ERLEC1: variants seen among roughly 807,000 people sequenced by gnomAD.
ERLEC1 encodes the protein ER lectin.
Under a neutral mutation model 68.0 loss-of-function variants are expected in ERLEC1, and 47 were observed. The observed-to-expected ratio is 0.69, with a 90% CI of 0.55 to 0.88. ERLEC1 has a LOEUF of 0.88. Ranked by LOEUF, ERLEC1 falls within the 40% of genes least tolerant of loss-of-function variation. The pLI, the probability that ERLEC1 is intolerant of heterozygous loss-of-function variation, is 0.00. For synonymous variants in ERLEC1, 225 were observed against 203.2 expected, an observed-to-expected ratio of 1.11 and a Z score of -0.91; for missense variants, 567 against 583.8, an observed-to-expected ratio of 0.97 and a Z score of 0.30.
chr2:53,792,717 T>G (rs1675476150), intron 1 of ERLEC1, among the ~76,000 whole-genome samples: 1 of 152,188 alleles, frequency 6.6e-6, no homozygotes, highest in African/African-American at 2.4e-5. Flanking sequence ...CTGGTTTTAT[T>G]ATAGTTAAAC....
chr2:53,791,906 TAAAAAAAAAAAAAA>T (rs569591198), intron 1 of ERLEC1, among the ~76,000 whole-genome samples: 4 of 117,762 alleles, frequency 3.4e-5, no homozygotes, highest in African/African-American at 1.3e-4. Flanking sequence ...AATGCTCTTT[TAAAAAAAAAAAAAA>T]AAAAAAAAAA....
chr2:53,805,849 G>C (rs1391475307), intron 8 of ERLEC1, among the ~76,000 whole-genome samples: 1 of 152,108 alleles, frequency 6.6e-6, no homozygotes, highest in Non-Finnish European at 1.5e-5. Context: ...TTTAACTGGG[G>C]TCAGATGATA....
chr2:53,797,357 T>C (rs1675768586), intron 3 of ERLEC1, among the ~76,000 whole-genome samples, 158 bp from the exon 4 acceptor site: 1 of 152,228 alleles, frequency 6.6e-6, no homozygotes, highest in South Asian at 2.1e-4. Context: ...TGAATAGACT[T>C]CAGAAATTTC....
intron 3 of ERLEC1, among the ~76,000 whole-genome samples, chr2:53,797,168 T>C (rs1020940543): frequency 1.3e-5 from 2 of 152,236 alleles, no homozygotes; most frequent in African/African-American, 4.8e-5. Flanking sequence ...GTGCTGGGAT[T>C]ACAGGCGTAA....
chr2:53,798,554 C>T (rs1675840473), intron 5 of ERLEC1, among the ~76,000 whole-genome samples: 1 of 151,786 alleles, frequency 6.6e-6, no homozygotes, highest in South Asian at 2.1e-4. Context: ...GGATGAGCCA[C>T]CATGCACAGC....
chr2:53,792,823 C>T (rs1675481916), intron 1 of ERLEC1, among the ~76,000 whole-genome samples: 1 of 152,058 alleles, frequency 6.6e-6, no homozygotes, highest in African/African-American at 2.4e-5. Context: ...TTGAGACCCA[C>T]CTGGGCAAGA....
At chr2:53,809,171 G>A (rs764791347) in intron 9 of ERLEC1, 43 bp from the exon 10 acceptor site, 4 of 1,411,516 alleles carry the variant, frequency 2.8e-6, no homozygotes, top group African/African-American at 2.9e-5. Context: ...ATTGAGAAAG[G>A]CCCAGTTCTT....
intron 8 of ERLEC1, among the ~76,000 whole-genome samples, chr2:53,806,748 A>G (rs1174139238): frequency 6.6e-6 from 1 of 152,228 alleles, no homozygotes; most frequent in Non-Finnish European, 1.5e-5. Context: ...AAAAGGGGAC[A>G]TAGTATCCAC....
At chr2:53,796,605 G>A (rs903147175) in intron 3 of ERLEC1, among the ~76,000 whole-genome samples, 1 of 151,716 alleles carries the variant, frequency 6.6e-6, no homozygotes, top group East Asian at 1.9e-4. Context: ...GCACCACCAT[G>A]CCCTGCTAAT....
chr2:53,793,996 T>G (rs1675551556), intron 1 of ERLEC1, among the ~76,000 whole-genome samples: 2 of 152,132 alleles, frequency 1.3e-5, no homozygotes, highest in South Asian at 4.2e-4. Context: ...GAATACACAC[T>G]CAAAGACGAG....
Position 53,814,631 on chromosome 2 carries a change from C to T in ERLEC1, c.1304+11C>T, listed in dbSNP as rs751661962. The T allele has an allele frequency of 1.9e-6, 3 of 1,594,522 alleles. No homozygotes were observed. Among genetic ancestry groups the T allele is most frequent in the Non-Finnish European group, 2.6e-6 (3 of 1,164,160 alleles). Reference sequence around the variant, plus strand: ...GACTGTAAAACTAAAGTAAGTTAGACCATCAAATCATGCTGTATGCCTTTG... The same window carrying T: ...GACTGTAAAACTAAAGTAAGTTAGATCATCAAATCATGCTGTATGCCTTTG... On this transcript the variant is annotated intron_variant, in intron 12 of 13. Coordinates refer to ENST00000185150, the MANE Select transcript of ERLEC1 (RefSeq NM_015701.5).
intron 13 of ERLEC1, among the ~76,000 whole-genome samples, chr2:53,817,500 T>G (rs541111867): frequency 6.6e-6 from 1 of 152,312 alleles, no homozygotes; most frequent in South Asian, 2.1e-4. Context: ...TTCATCATGT[T>G]TAGTATAATT....
chr2:53,798,767 A>C (rs530298660), intron 5 of ERLEC1, among the ~76,000 whole-genome samples: 1 of 152,040 alleles, frequency 6.6e-6, no homozygotes, highest in South Asian at 2.1e-4. Context: ...CAGTTAATTT[A>C]ATATTAAATT....
In ERLEC1 at chr2:53,814,915, T is replaced by G; in HGVS notation, c.1360T>G (p.Ser454Ala). 4 of 1,596,954 alleles carry G rather than the reference T, an allele frequency of 2.5e-6. No homozygotes were observed. The highest frequency in any genetic ancestry group is 3.4e-6 in the Non-Finnish European group (4 of 1,168,172). ...AVTVYMLEPH[S>A]CQYILGVESP... is the part of the protein sequence containing the mutation. ...TACTGTATATATGCTAGAGCCTCAC[T>G]CCTGTCAATATATTCTTGGGGTAAG... The change falls in exon 13 of 14, where the codon TCC becomes GCC. Residue 454 changes from serine (S) to alanine (A), a missense_variant. Physicochemically the swap from Ser to Ala is moderately conservative, Grantham distance 99. Coordinates refer to ENST00000185150, the MANE Select transcript of ERLEC1 (RefSeq NM_015701.5).
intron 10 of ERLEC1, 84 bp from the exon 11 acceptor site, chr2:53,812,865 C>A: frequency 1.4e-6 from 2 of 1,438,434 alleles, no homozygotes; most frequent in South Asian, 2.6e-5. Context: ...TAAAGACTAG[C>A]TTACAAGAAG....
At chr2:53,801,237 A>G (rs528426255) in intron 6 of ERLEC1, among the ~76,000 whole-genome samples, 160 bp from the exon 7 acceptor site, 2 of 152,336 alleles carry the variant, frequency 1.3e-5, no homozygotes, top group African/African-American at 4.8e-5. Context: ...CTTACGAATC[A>G]AAATAATATT....
intron 8 of ERLEC1, among the ~76,000 whole-genome samples, chr2:53,803,066 T>C (rs1195718232): frequency 5.9e-5 from 9 of 152,232 alleles, no homozygotes; most frequent in Non-Finnish European, 2.9e-5. Flanking sequence ...CTACTTCCTC[T>C]TCTGTGGTCT....
chr2:53,787,139 CT>C lies in ERLEC1; in HGVS notation c.-71del. 1 of 1,085,900 alleles carries C rather than the reference CT, an allele frequency of 9.2e-7. No individual in the cohort carries two copies. The highest frequency in any genetic ancestry group is 1.2e-6 in the Non-Finnish European group (1 of 826,530). 67.3% of individuals were successfully genotyped at this position (1,085,900 alleles called of 1,614,324 possible). Reference sequence around the variant, plus strand: ...ATAGTCCCGCCGCCTCCTCCTCCACCTCCTCCTCCTCCTCCTCTCCTCCTGG... The same window carrying C: ...ATAGTCCCGCCGCCTCCTCCTCCACCCCTCCTCCTCCTCCTCTCCTCCTGG... On this transcript the variant is annotated 5_prime_UTR_variant, in exon 1 of 14. Coordinates refer to ENST00000185150, the MANE Select transcript of ERLEC1 (RefSeq NM_015701.5).
chr2:53,787,444 T>C (rs1272130103), intron 1 of ERLEC1, 72 bp downstream of exon 1: 29 of 1,510,346 alleles, frequency 1.9e-5, no homozygotes, highest in Non-Finnish European at 2.5e-5. Context: ...CCCTCGGTTT[T>C]CTTTGCTTTT....
Sources: allele counts gnomAD v4.1 joint callset (sites outside exome capture counted in the v4.1 genomes callset), GRCh38; gene constraint gnomAD v4.1.1; transcripts MANE v1.5; gene names NCBI Gene and HGNC (gene_info 2026-07-23, HGNC 2026-07-21).